EYS: variants seen among roughly 807,000 people sequenced by gnomAD.
EYS encodes protein eyes shut homolog.
EYS carries 250 observed loss-of-function variants against 282.1 expected under a neutral mutation model. That is an observed-to-expected ratio of 0.89 (90% confidence interval 0.80 to 0.98). The LOEUF (loss-of-function observed/expected upper bound fraction) is 0.98, where lower values mean the gene tolerates loss of function less well. Among genes scored for constraint, EYS ranks in the 50% least tolerant of loss-of-function variants. The pLI is 0.00. For missense variants in EYS, 4,016 were observed against 3,709.0 expected, an observed-to-expected ratio of 1.08 and a Z score of -2.15; for synonymous variants, 1,355 against 1,282.9, an observed-to-expected ratio of 1.06 and a Z score of -1.20.
At chr6:65,182,278 A>C (rs1457155797) in intron 12 of EYS, among the ~76,000 whole-genome samples, 2 of 151,368 alleles carry the variant, frequency 1.3e-5, no homozygotes, top group Non-Finnish European at 3.0e-5. Context: ...ATGTTAAAAG[A>C]AAAAAGAGAA....
At chr6:65,432,782 A>C (rs1166001082) in intron 5 of EYS, among the ~76,000 whole-genome samples, 1 of 152,196 alleles carries the variant, frequency 6.6e-6, no homozygotes, top group Non-Finnish European at 1.5e-5. Flanking sequence ...TAAAAGGCAG[A>C]AGCTGACACT....
chr6:64,756,655 T>A (rs1772946051), intron 22 of EYS, among the ~76,000 whole-genome samples: 1 of 152,176 alleles, frequency 6.6e-6, no homozygotes, highest in African/African-American at 2.4e-5. Flanking sequence ...TTATTAAAAT[T>A]GGAGCGTTAT....
At chr6:64,398,915 A>G (rs1357512071) in intron 28 of EYS, among the ~76,000 whole-genome samples, 2 of 151,888 alleles carry the variant, frequency 1.3e-5, no homozygotes, top group Non-Finnish European at 2.9e-5. Flanking sequence ...GAAGCAAACT[A>G]GAAGCTTTCT....
intron 22 of EYS, among the ~76,000 whole-genome samples, chr6:64,674,745 C>CACAT (rs1769591895): frequency 6.7e-6 from 1 of 149,184 alleles, no homozygotes; most frequent in Non-Finnish European, 1.5e-5. Flanking sequence ...CACACACACA[C>CACAT]ACACACACGC....
At chr6:63,905,078 TG>T (rs1773742607) in intron 35 of EYS, among the ~76,000 whole-genome samples, 1 of 152,214 alleles carries the variant, frequency 6.6e-6, no homozygotes, top group Non-Finnish European at 1.5e-5. Flanking sequence ...TCCTGTCCTC[TG>T]CGATCACTAA....
intron 29 of EYS, among the ~76,000 whole-genome samples, chr6:64,377,161 A>G (rs1772588074): frequency 6.6e-6 from 1 of 152,166 alleles, no homozygotes; most frequent in South Asian, 2.1e-4. Flanking sequence ...TGAATTTCTC[A>G]TTTATTTTTG....
At chr6:63,775,917 C>A (rs1389538874) in intron 40 of EYS, among the ~76,000 whole-genome samples, 1 of 152,048 alleles carries the variant, frequency 6.6e-6, no homozygotes, top group Non-Finnish European at 1.5e-5. Flanking sequence ...AAATGATGGT[C>A]ACAAGAGCTA....
chr6:65,643,140 T>A (rs2149814483), intron 1 of EYS, among the ~76,000 whole-genome samples: 1 of 152,330 alleles, frequency 6.6e-6, no homozygotes, highest in Admixed American at 6.5e-5. Context: ...AGGCAAGTTC[T>A]CAGCCCTGGT....
At chr6:64,856,824 TA>T (rs1337001715) in intron 19 of EYS, among the ~76,000 whole-genome samples, 1 of 152,118 alleles carries the variant, frequency 6.6e-6, no homozygotes, top group African/African-American at 2.4e-5. Flanking sequence ...TTGCTATATT[TA>T]AAAACTTCAT....
At chr6:65,330,729 T>C in intron 11 of EYS, 1 of 952,430 alleles carries the variant, frequency 1.0e-6, no homozygotes, top group Non-Finnish European at 1.2e-6. Context: ...ATAAATTGAG[T>C]TTAATTGAAA....
At chr6:64,581,605 T>C (rs1273912736) in intron 26 of EYS, among the ~76,000 whole-genome samples, 1 of 152,190 alleles carries the variant, frequency 6.6e-6, no homozygotes, top group Non-Finnish European at 1.5e-5. Context: ...GAATTAAACA[T>C]CAAAATTACA....
At chr6:65,055,808 T>G (rs1773395284) in intron 13 of EYS, among the ~76,000 whole-genome samples, 1 of 152,080 alleles carries the variant, frequency 6.6e-6, no homozygotes, top group Non-Finnish European at 1.5e-5. Flanking sequence ...TATCAAAAGT[T>G]TAGGTTATTA....
intron 8 of EYS, among the ~76,000 whole-genome samples, chr6:65,366,887 C>G (rs1428850975): frequency 1.3e-5 from 2 of 151,558 alleles, no homozygotes; most frequent in African/African-American, 2.4e-5. Flanking sequence ...TAAAAAATAA[C>G]ACTCCAATCT....
chr6:63,973,985 C>T (rs1478606625), intron 35 of EYS, among the ~76,000 whole-genome samples: 5 of 152,086 alleles, frequency 3.3e-5, no homozygotes, highest in Non-Finnish European at 5.9e-5. Context: ...GGCTTGTGAA[C>T]TTTGTTTACT....
intron 12 of EYS, among the ~76,000 whole-genome samples, chr6:65,251,431 G>T (rs1055977655): frequency 3.4e-5 from 5 of 149,162 alleles, no homozygotes; most frequent in Non-Finnish European, 7.4e-5. Context: ...TTTTGAAGAT[G>T]TTATAAGTTC....
intron 31 of EYS, among the ~76,000 whole-genome samples, chr6:64,097,912 G>A (rs1366480783): frequency 6.6e-6 from 1 of 152,176 alleles, no homozygotes; most frequent in Non-Finnish European, 1.5e-5. Context: ...TTTATAAAAA[G>A]TGAAATGTGT....
At chr6:64,482,975 T>C (rs75856720) in intron 26 of EYS, among the ~76,000 whole-genome samples, 1,562 of 151,784 alleles carry the variant, frequency 0.01, 28 homozygotes, top group African/African-American at 0.035. Context: ...GTGGGATCAC[T>C]GAACTATTCT....
intron 30 of EYS, among the ~76,000 whole-genome samples, chr6:64,306,556 C>A (rs9353700): frequency 0.67 from 102,236 of 151,984 alleles, 34,474 homozygotes; most frequent in South Asian, 0.71. Context: ...GAAAGAAATA[C>A]GTCTCCCATA....
At chr6:65,159,946 C>T (rs1581967244) in intron 12 of EYS, among the ~76,000 whole-genome samples, 1 of 150,872 alleles carries the variant, frequency 6.6e-6, no homozygotes, top group Non-Finnish European at 1.5e-5. Context: ...AACGAAGAGT[C>T]AAAGTTTTAA....
Sources: gnomAD v4.1 joint callset for allele counts (sites outside exome capture counted in the v4.1 genomes callset) on GRCh38, gnomAD v4.1.1 for gene constraint, MANE v1.5 for transcripts, NCBI Gene and HGNC (gene_info 2026-07-23, HGNC 2026-07-21) for gene names.